KCNIP4: variants seen among roughly 807,000 people sequenced by gnomAD.
The protein encoded by KCNIP4 is Kv channel-interacting protein 4.
In KCNIP4, 12 loss-of-function variants were observed where a neutral mutation model predicts 34.0. The ratio of observed to expected loss-of-function variants is 0.35; its 90% confidence interval spans 0.23 to 0.57. KCNIP4 has a LOEUF of 0.57. KCNIP4 is among the 20% of genes least tolerant of loss of function. The pLI, the probability that KCNIP4 is intolerant of heterozygous loss-of-function variation, is 0.83. For synonymous variants in KCNIP4, 124 were observed against 102.2 expected, an observed-to-expected ratio of 1.21 and a Z score of -1.29; for missense variants, 238 against 311.7, an observed-to-expected ratio of 0.76 and a Z score of 1.78.
chr4:20,884,760 T>A (rs961290115), intron 1 of KCNIP4, among the ~76,000 whole-genome samples: 1 of 147,752 alleles, frequency 6.8e-6, no homozygotes, highest in Non-Finnish European at 1.5e-5. Flanking sequence ...CAGGCTGGAG[T>A]GCAGTGGCGC....
rs73802558 is a variant in KCNIP4, at chr4:21,320,552, A to C, written c.62-437843T>G. On this transcript the variant is annotated intron_variant, in intron 1 of 8. Coordinates refer to ENST00000382152, the MANE Select transcript of KCNIP4 (RefSeq NM_025221.6). ...TTTTTAAAGGATTTTTCTACCTACT[A>C]TATTGTTTTAGTGAGGCATCTTAGA... 4.0e-3 allele frequency among the ~76,000 whole-genome samples: 604 copies of C among 152,208 alleles called. 4 individuals are homozygous for C. The highest frequency in any genetic ancestry group is 0.014 in the African/African-American group (562 of 41,522).
intron 3 of KCNIP4, among the ~76,000 whole-genome samples, chr4:20,774,270 C>T (rs1283372548): frequency 2.0e-5 from 3 of 152,042 alleles, no homozygotes. Flanking sequence ...TGTTAAATAC[C>T]ATCTGCTTAT....
At chr4:21,796,423 A>G (rs1219644847) in intron 1 of KCNIP4, among the ~76,000 whole-genome samples, 6 of 152,098 alleles carry the variant, frequency 3.9e-5, no homozygotes, top group African/African-American at 1.4e-4. Context: ...CCAGACTGTC[A>G]AGCTTGGTCC....
intron 1 of KCNIP4, among the ~76,000 whole-genome samples, chr4:21,799,312 T>C (rs1720847896): frequency 6.6e-6 from 1 of 152,160 alleles, no homozygotes; most frequent in South Asian, 2.1e-4. Context: ...TTATCTCTAG[T>C]AAATGACAGA....
At chr4:21,390,253 G>T (rs967551601) in intron 1 of KCNIP4, among the ~76,000 whole-genome samples, 5 of 152,112 alleles carry the variant, frequency 3.3e-5, no homozygotes, top group African/African-American at 7.2e-5. Flanking sequence ...TCTATAGGTT[G>T]CCTGTTCACT....
chr4:20,783,639 C>T (rs771133212), intron 3 of KCNIP4, among the ~76,000 whole-genome samples: 2 of 152,192 alleles, frequency 1.3e-5, no homozygotes, highest in African/African-American at 2.4e-5. Context: ...TGGAAATTAT[C>T]GGAGTACAAT....
intron 3 of KCNIP4, among the ~76,000 whole-genome samples, chr4:20,825,593 C>T (rs1717659967): frequency 6.6e-6 from 1 of 152,106 alleles, no homozygotes; most frequent in South Asian, 2.1e-4. Context: ...TAGTTTTGGA[C>T]ATACTGAATT....
chr4:21,386,144 G>T (rs1284420426), intron 1 of KCNIP4, among the ~76,000 whole-genome samples: 1 of 152,120 alleles, frequency 6.6e-6, no homozygotes, highest in African/African-American at 2.4e-5. Flanking sequence ...CTTGTGGTTT[G>T]TATGCAATTG....
At chr4:21,051,872 G>A (rs1742963953) in intron 1 of KCNIP4, among the ~76,000 whole-genome samples, 1 of 152,144 alleles carries the variant, frequency 6.6e-6, no homozygotes, top group South Asian at 2.1e-4. Context: ...GATTTAGGCT[G>A]CAAGAGAGAT....
chr4:21,603,035 T>C (rs1385793056), intron 1 of KCNIP4, among the ~76,000 whole-genome samples: 2 of 152,208 alleles, frequency 1.3e-5, no homozygotes, highest in Admixed American at 1.3e-4. Context: ...TTTTATCCAA[T>C]ATATTGTTTT....
intron 1 of KCNIP4, among the ~76,000 whole-genome samples, chr4:20,984,334 G>A (rs539816471): frequency 8.7e-4 from 132 of 152,344 alleles, no homozygotes; most frequent in Non-Finnish European, 1.6e-3. Context: ...CCCTCGCTGA[G>A]GACGCGAGGC....
intron 1 of KCNIP4, among the ~76,000 whole-genome samples, chr4:21,414,819 A>T (rs938557833): frequency 6.6e-6 from 1 of 152,078 alleles, no homozygotes; most frequent in African/African-American, 2.4e-5. Flanking sequence ...TGAATATTTA[A>T]TTTTTATGGG....
intron 1 of KCNIP4, among the ~76,000 whole-genome samples, chr4:21,104,671 T>C (rs1399070719): frequency 6.6e-6 from 1 of 151,916 alleles, no homozygotes; most frequent in African/African-American, 2.4e-5. Context: ...TCCTTGCCCA[T>C]GTGTATGTCC....
intron 1 of KCNIP4, among the ~76,000 whole-genome samples, chr4:21,517,959 G>A (rs376842578): frequency 2.2e-4 from 33 of 152,212 alleles, no homozygotes; most frequent in African/African-American, 7.7e-4. Flanking sequence ...CCACACAAAA[G>A]CCTACGGTGG....
At chr4:21,563,628 T>C (rs1030824862) in intron 1 of KCNIP4, among the ~76,000 whole-genome samples, 8 of 152,114 alleles carry the variant, frequency 5.3e-5, no homozygotes, top group African/African-American at 1.7e-4. Flanking sequence ...TTAGAAAAAG[T>C]ACTCAAATAT....
At chr4:20,975,089 T>C (rs1035907011) in intron 1 of KCNIP4, among the ~76,000 whole-genome samples, 1 of 152,200 alleles carries the variant, frequency 6.6e-6, no homozygotes, top group Non-Finnish European at 1.5e-5. Context: ...CAGGTGGTTA[T>C]ATCTTCACCA....
chr4:20,945,450 C>G (rs758214671), intron 1 of KCNIP4, among the ~76,000 whole-genome samples: 1 of 152,142 alleles, frequency 6.6e-6, no homozygotes, highest in Non-Finnish European at 1.5e-5. Context: ...TGGGGACATT[C>G]ACAACTGCCT....
chr4:20,745,810 G>T (rs1055751572), intron 5 of KCNIP4, among the ~76,000 whole-genome samples: 1 of 152,126 alleles, frequency 6.6e-6, no homozygotes, highest in African/African-American at 2.4e-5. Flanking sequence ...TGACTCCCCT[G>T]ACTCCCTGCC....
chr4:20,905,469 T>C (rs539315843), intron 1 of KCNIP4, among the ~76,000 whole-genome samples: 1 of 151,866 alleles, frequency 6.6e-6, no homozygotes, highest in Admixed American at 6.5e-5. Flanking sequence ...TAAAATATTA[T>C]TGGTATTTAA....
Sources: allele counts gnomAD v4.1 joint callset (sites outside exome capture counted in the v4.1 genomes callset), GRCh38; gene constraint gnomAD v4.1.1; transcripts MANE v1.5; gene names NCBI Gene and HGNC (gene_info 2026-07-23, HGNC 2026-07-21).